The following SLC39A8 variants were observed in gnomAD, a reference collection of about 807,000 sequenced individuals.
The protein encoded by SLC39A8 is metal cation symporter ZIP8.
In SLC39A8, 15 loss-of-function variants were observed where a neutral mutation model predicts 40.4. The observed-to-expected ratio is 0.37, with a 90% CI of 0.25 to 0.57. The LOEUF (loss-of-function observed/expected upper bound fraction) is 0.57. Among genes scored for constraint, SLC39A8 ranks in the 20% least tolerant of loss-of-function variants. SLC39A8 has a pLI of 0.75. For missense variants in SLC39A8, 472 were observed against 558.8 expected, an observed-to-expected ratio of 0.84 and a Z score of 1.57; for synonymous variants, 223 against 221.6, an observed-to-expected ratio of 1.01 and a Z score of -0.06.
chr4:102,282,651 A>C (rs1228044397), intron 6 of SLC39A8, among the ~76,000 whole-genome samples: 1 of 152,128 alleles, frequency 6.6e-6, no homozygotes, highest in East Asian at 1.9e-4. Flanking sequence ...AGAGAAATGA[A>C]ATATCAAAAT....
Position 102,307,421 on chromosome 4 carries a change from AG to A in SLC39A8, c.552+14del, listed in dbSNP as rs1210185252. On this transcript the variant is annotated intron_variant, in intron 4 of 8. Coordinates refer to ENST00000356736, the MANE Select transcript of SLC39A8 (RefSeq NM_001135146.2). ...GAAACAATTATTCACAGAAACAAATAGCCAACATCCTTACCTCTGGAATAAG... is the reference window on the plus strand; with the variant it reads ...GAAACAATTATTCACAGAAACAAATACCAACATCCTTACCTCTGGAATAAG... 6.2e-7 allele frequency: 1 copy of A among 1,607,890 alleles called. No individual in the cohort carries two copies. The highest frequency in any genetic ancestry group is 1.1e-5 in the South Asian group (1 of 89,396).
chr4:102,254,552 A>G (rs190525067), intron 11 of SLC39A8, among the ~76,000 whole-genome samples: 3 of 152,372 alleles, frequency 2.0e-5, no homozygotes, highest in Non-Finnish European at 4.4e-5. Flanking sequence ...TTATGCTTAC[A>G]TATCAGTGAG....
chr4:102,267,728 T>A, intron 7 of SLC39A8, 54 bp from the exon 8 acceptor site: 1 of 1,545,878 alleles, frequency 6.5e-7, no homozygotes. Context: ...TATTTCTGGA[T>A]GATATCAAAG....
intron 8 of SLC39A8, among the ~76,000 whole-genome samples, chr4:102,265,538 T>C (rs1578555180): frequency 1.3e-5 from 2 of 152,164 alleles, no homozygotes; most frequent in African/African-American, 4.8e-5. Context: ...ATTCAAAAAA[T>C]GGCACTGACA....
At chr4:102,310,556 T>C (rs1342986448) in intron 3 of SLC39A8, among the ~76,000 whole-genome samples, 1 of 152,124 alleles carries the variant, frequency 6.6e-6, no homozygotes, top group African/African-American at 2.4e-5. Flanking sequence ...ACTTTCTAAC[T>C]TTCTTTGCCC....
chr4:102,277,319 A>C (rs1196413988), intron 6 of SLC39A8, among the ~76,000 whole-genome samples: 1 of 152,228 alleles, frequency 6.6e-6, no homozygotes, highest in Non-Finnish European at 1.5e-5. Flanking sequence ...ATGTGCTAAA[A>C]TCACAAGCAT....
chr4:102,255,382 G>C (rs1237151953), intron 11 of SLC39A8, among the ~76,000 whole-genome samples: 1 of 152,076 alleles, frequency 6.6e-6, no homozygotes, highest in Non-Finnish European at 1.5e-5. Context: ...AGGATGTCAG[G>C]AACTAGAACC....
At chr4:102,286,587 A>T (rs899530819) in intron 6 of SLC39A8, among the ~76,000 whole-genome samples, 1 of 152,142 alleles carries the variant, frequency 6.6e-6, no homozygotes, top group African/African-American at 2.4e-5. Context: ...GCCACAGTGT[A>T]TGGATAAGAC....
chr4:102,320,394 G>GTA (rs1458021050), intron 2 of SLC39A8, among the ~76,000 whole-genome samples: 2 of 82,044 alleles, frequency 2.4e-5, no homozygotes, highest in Admixed American at 1.3e-4. Flanking sequence ...ATATATATGA[G>GTA]TATATATATA....
At chr4:102,286,929 G>A (rs562163392) in intron 6 of SLC39A8, among the ~76,000 whole-genome samples, 1 of 152,238 alleles carries the variant, frequency 6.6e-6, no homozygotes, top group African/African-American at 2.4e-5. Flanking sequence ...TGTATATGGA[G>A]CAAACATGAG....
downstream of SLC39A8, among the ~76,000 whole-genome samples, chr4:102,258,132 T>C (rs1731755254): frequency 7.0e-6 from 1 of 142,864 alleles, no homozygotes; most frequent in Non-Finnish European, 1.5e-5. Context: ...TGAGACGGAG[T>C]CTTGCTTTGT....
chr4:102,310,879 T>A (rs893921901), intron 3 of SLC39A8, among the ~76,000 whole-genome samples: 5 of 152,232 alleles, frequency 3.3e-5, no homozygotes, highest in Non-Finnish European at 7.4e-5. Context: ...GTCAGGATAG[T>A]TTACATTTAT....
chr4:102,305,265 A>C (rs1450851715), intron 4 of SLC39A8, among the ~76,000 whole-genome samples, 154 bp from the exon 5 acceptor site: 1 of 151,934 alleles, frequency 6.6e-6, no homozygotes, highest in Non-Finnish European at 1.5e-5. Flanking sequence ...ACAAAACAAA[A>C]ACTTTGAAAT....
chr4:102,259,942 C>T (rs891309640), downstream of SLC39A8, among the ~76,000 whole-genome samples: 2 of 152,088 alleles, frequency 1.3e-5, no homozygotes, highest in Admixed American at 6.6e-5. Flanking sequence ...GTTTTGTTTC[C>T]GTTTCCTTAG....
intron 6 of SLC39A8, among the ~76,000 whole-genome samples, chr4:102,271,796 C>A (rs576123300): frequency 6.6e-6 from 1 of 152,308 alleles, no homozygotes; most frequent in African/African-American, 2.4e-5. Context: ...TATCTCCTAA[C>A]CATTTTTTAG....
intron 8 of SLC39A8, among the ~76,000 whole-genome samples, chr4:102,266,347 T>A (rs1732094797): frequency 6.6e-6 from 1 of 151,374 alleles, no homozygotes; most frequent in Non-Finnish European, 1.5e-5. Context: ...AAGTTATAAA[T>A]GTAGCATTGG....
chr4:102,320,191 G>GTATATATATATGTA (rs1734856861), intron 2 of SLC39A8, among the ~76,000 whole-genome samples: 1 of 66,550 alleles, frequency 1.5e-5, no homozygotes, highest in Admixed American at 1.6e-4. Context: ...ATATATATAT[G>GTATATATATATGTA]TATATATATA....
At chr4:102,280,948 C>G (rs1251673106) in intron 6 of SLC39A8, among the ~76,000 whole-genome samples, 1 of 152,060 alleles carries the variant, frequency 6.6e-6, no homozygotes, top group Non-Finnish European at 1.5e-5. Context: ...TAGGAGAAAC[C>G]TGAGAGGTTT....
At chr4:102,292,293 A>G (rs1578581717) in intron 6 of SLC39A8, among the ~76,000 whole-genome samples, 1 of 152,148 alleles carries the variant, frequency 6.6e-6, no homozygotes, top group East Asian at 1.9e-4. Flanking sequence ...ATTAAAACAT[A>G]ACATTATACC....
Sources: gnomAD v4.1 joint callset for allele counts (sites outside exome capture counted in the v4.1 genomes callset) on GRCh38, gnomAD v4.1.1 for gene constraint, MANE v1.5 for transcripts, NCBI Gene and HGNC (gene_info 2026-07-23, HGNC 2026-07-21) for gene names.